OSBP2: variants seen among roughly 807,000 people sequenced by gnomAD.
OSBP2 encodes the protein oxysterol-binding protein 2.
OSBP2 carries 66 observed loss-of-function variants against 96.0 expected under a neutral mutation model. The ratio of observed to expected loss-of-function variants is 0.69; its 90% CI spans 0.56 to 0.84. OSBP2 has a LOEUF of 0.84. Among genes scored for constraint, OSBP2 ranks in the 40% least tolerant of loss-of-function variants. The probability of loss-of-function intolerance (pLI) is 0.00; values close to 1 mark genes in which losing one functional copy is unlikely to be tolerated. For missense variants in OSBP2, 1,038 were observed against 1,222.7 expected (o/e 0.85, Z 2.25); for synonymous variants, 525 against 520.9 (o/e 1.01, Z -0.11).
intron 3 of OSBP2, among the ~76,000 whole-genome samples, chr22:30,878,889 C>T (rs1397200922): frequency 6.6e-6 from 1 of 152,094 alleles, no homozygotes; most frequent in African/African-American, 2.4e-5. Flanking sequence ...CACTTGGGGA[C>T]ACTCCAGCTG....
At chr22:30,707,562 A>C (rs1480897685) in intron 1 of OSBP2, among the ~76,000 whole-genome samples, 2 of 151,342 alleles carry the variant, frequency 1.3e-5, no homozygotes, top group East Asian at 2.0e-4. Flanking sequence ...AAAATACACA[A>C]AAAAAATTAG....
At chr22:30,767,891 T>C (rs1031895073) in intron 2 of OSBP2, among the ~76,000 whole-genome samples, 2 of 152,230 alleles carry the variant, frequency 1.3e-5, no homozygotes, top group Middle Eastern at 3.4e-3. Context: ...GGGGCGTGGG[T>C]TGGGGAGTTG....
At chr22:30,800,535 A>G (rs2090835342) in intron 2 of OSBP2, among the ~76,000 whole-genome samples, 1 of 152,172 alleles carries the variant, frequency 6.6e-6, no homozygotes, top group Admixed American at 6.5e-5. Flanking sequence ...AACATTGGTG[A>G]TACAGGTGGC....
intron 3 of OSBP2, among the ~76,000 whole-genome samples, chr22:30,884,182 G>A (rs1443286627): frequency 1.3e-5 from 2 of 152,210 alleles, no homozygotes; most frequent in African/African-American, 4.8e-5. Flanking sequence ...ACATCATCAG[G>A]ATGAGGCGCA....
intron 2 of OSBP2, among the ~76,000 whole-genome samples, chr22:30,859,413 TCCC>T (rs2039160021): frequency 6.6e-6 from 1 of 152,156 alleles, no homozygotes; most frequent in Admixed American, 6.5e-5. Flanking sequence ...CACTAAAGGA[TCCC>T]CCTCACTGGT....
chr22:30,797,658 CA>C (rs2090784023), intron 2 of OSBP2, among the ~76,000 whole-genome samples: 1 of 151,466 alleles, frequency 6.6e-6, no homozygotes, highest in Admixed American at 6.6e-5. Flanking sequence ...GTGGCACAAT[CA>C]AGGCTCACTG....
intron 1 of OSBP2, among the ~76,000 whole-genome samples, chr22:30,738,280 T>C (rs1418553908): frequency 2.0e-5 from 3 of 152,214 alleles, no homozygotes; most frequent in Middle Eastern, 3.4e-3. Context: ...ATCCCCCTCT[T>C]ATTTCTGAGC....
In OSBP2 at chr22:30,824,725, G is replaced by T. The variant is rs76915174; in HGVS notation, c.854-45704G>T. 6.8e-3 allele frequency among the ~76,000 whole-genome samples: 1,033 copies of T among 152,282 alleles called. 8 individuals are homozygous for T. Among genetic ancestry groups the T allele is most frequent in the Middle Eastern group, 0.034 (10 of 294 alleles). On this transcript the variant is annotated intron_variant, in intron 2 of 13. Transcript: ENST00000332585. ...GCACACAAATTTCCCCTTAGGAAAGGGTTCCAATGAAATTGCATCATGCAC... is the reference window on the plus strand; with the variant it reads ...GCACACAAATTTCCCCTTAGGAAAGTGTTCCAATGAAATTGCATCATGCAC...
chr22:30,750,970 A>T (rs2090067139), intron 2 of OSBP2, among the ~76,000 whole-genome samples: 1 of 152,140 alleles, frequency 6.6e-6, no homozygotes. Flanking sequence ...TGAACTCCTG[A>T]CCTCAGGTGA....
At chr22:30,695,708 G>A (rs2089018345) in intron 1 of OSBP2, among the ~76,000 whole-genome samples, 155 bp downstream of exon 1, 1 of 152,198 alleles carries the variant, frequency 6.6e-6, no homozygotes, top group African/African-American at 2.4e-5. Context: ...CTGGCCCGCC[G>A]CCAAGGGCCG....
intron 1 of OSBP2, among the ~76,000 whole-genome samples, chr22:30,719,872 A>G (rs755333819): frequency 6.6e-4 from 101 of 152,110 alleles, no homozygotes; most frequent in Non-Finnish European, 8.7e-4. Flanking sequence ...CAAACAAACA[A>G]CAAGGGAACA....
At position 30,873,931 on chromosome 22, in the gene OSBP2, C is replaced by T. The variant is rs114954548; in HGVS notation, c.1107+3249C>T. On this transcript the variant is annotated intron_variant, in intron 3 of 13. Coordinates refer to ENST00000332585, the MANE Select transcript of OSBP2 (RefSeq NM_030758.4). ...GACCACAAAGAATCTGGGGTTGTTC[C>T]GGCTTCAGGAGAAAAGTCAGGGTGG... 4.9e-3 allele frequency among the ~76,000 whole-genome samples: 744 copies of T among 152,232 alleles called. 9 individuals are homozygous for T. Among genetic ancestry groups the T allele is most frequent in the African/African-American group, 0.017 (688 of 41,536 alleles).
chr22:30,723,592 T>G (rs1401141948), intron 1 of OSBP2, among the ~76,000 whole-genome samples: 4 of 151,932 alleles, frequency 2.6e-5, no homozygotes, highest in Non-Finnish European at 5.9e-5. Context: ...TTTTGTATTT[T>G]TAGTAGAGAC....
intron 2 of OSBP2, among the ~76,000 whole-genome samples, chr22:30,761,551 C>A (rs879727184): frequency 1.3e-5 from 2 of 152,110 alleles, no homozygotes; most frequent in Non-Finnish European, 2.9e-5. Context: ...CAAAAAAAAT[C>A]CCAGCAGGAC....
At chr22:30,728,127 T>TG (rs2089682888) in intron 1 of OSBP2, among the ~76,000 whole-genome samples, 1 of 151,172 alleles carries the variant, frequency 6.6e-6, no homozygotes. Flanking sequence ...CCGGGCACGG[T>TG]GGCTCATGCC....
At chr22:30,795,709 G>T (rs1341843793) in intron 2 of OSBP2, among the ~76,000 whole-genome samples, 1 of 151,934 alleles carries the variant, frequency 6.6e-6, no homozygotes, top group Non-Finnish European at 1.5e-5. Flanking sequence ...AGTAGAGATG[G>T]GGTTTCTCCA....
intron 3 of OSBP2, among the ~76,000 whole-genome samples, chr22:30,876,409 G>A (rs955104591): frequency 4.6e-5 from 7 of 152,182 alleles, no homozygotes; most frequent in Admixed American, 3.3e-4. Context: ...TGGCCTCACC[G>A]CCCCACTGCC....
chr22:30,790,072 G>A (rs957107609), intron 2 of OSBP2, among the ~76,000 whole-genome samples: 9 of 152,164 alleles, frequency 5.9e-5, no homozygotes. Context: ...TGACTGGGCT[G>A]CAGAAGGAGG....
chr22:30,801,761 G>A (rs1230453453), intron 2 of OSBP2, among the ~76,000 whole-genome samples: 1 of 152,066 alleles, frequency 6.6e-6, no homozygotes, highest in Admixed American at 6.6e-5. Context: ...GTCACTTGAG[G>A]CCAGGAGTTT....
Sources: allele counts gnomAD v4.1 joint callset (sites outside exome capture counted in the v4.1 genomes callset), GRCh38; gene constraint gnomAD v4.1.1; transcripts MANE v1.5; gene names NCBI Gene and HGNC (gene_info 2026-07-23, HGNC 2026-07-21).